The following APPL1 variants were observed in gnomAD, a reference collection of about 807,000 sequenced individuals.
APPL1 encodes adaptor protein, phosphotyrosine interacting with PH domain and leucine zipper 1.
Under a neutral mutation model 106.8 loss-of-function variants are expected in APPL1, and 42 were observed. That is an observed-to-expected ratio of 0.39 (90% confidence interval 0.31 to 0.51). The LOEUF (loss-of-function observed/expected upper bound fraction) is 0.51. APPL1 is among the 20% of genes least tolerant of loss of function. The pLI is 0.75. For missense variants in APPL1, 769 were observed against 858.2 expected, an observed-to-expected ratio of 0.90 and a Z score of 1.30; for synonymous variants, 263 against 281.8, an observed-to-expected ratio of 0.93 and a Z score of 0.67.
chr3:57,227,914 G>T lies in APPL1; in HGVS notation c.31G>T (p.Glu11Ter). 6.8e-7 allele frequency: 1 copy of T among 1,469,720 alleles called. No homozygotes were observed. The highest frequency in any genetic ancestry group is 9.0e-7 in the Non-Finnish European group (1 of 1,107,414). The allele number at this position is 1,469,720 out of a possible 1,614,324, so 91.0% of individuals were successfully genotyped here. MPGIDKLPIE[E>*]TLEDSPQTRS... Reference sequence around the variant, plus strand: ...GGGGATCGACAAGCTGCCCATCGAGGAGACGCTGGAGGACAGCCCGCAGGT... The same window carrying T: ...GGGGATCGACAAGCTGCCCATCGAGTAGACGCTGGAGGACAGCCCGCAGGT... The change falls in exon 1 of 22, where the codon GAG (glutamate) becomes TAG (stop). Residue 11 changes from glutamate (E) to a stop codon, truncating the protein, a stop_gained. Coordinates refer to ENST00000288266, the MANE Select transcript of APPL1 (RefSeq NM_012096.3). LOFTEE classifies it high-confidence loss of function.
rs1487733245 is a variant in APPL1, at chr3:57,259,010, T to G, written c.1431-18T>G. ...TGGTAACTGACCATGTGTTCATATT[T>G]TCTTCTAAACTTTTTAGGCGTACAA... On this transcript the variant is annotated intron_variant, in intron 15 of 21. Transcript: ENST00000288266. 6.2e-7 allele frequency: 1 copy of G among 1,604,922 alleles called. No individual in the cohort carries two copies. The highest frequency in any genetic ancestry group is 1.7e-5 in the Admixed American group (1 of 59,370).
chr3:57,234,874 C>T (rs2060708198), intron 1 of APPL1, among the ~76,000 whole-genome samples: 1 of 152,024 alleles, frequency 6.6e-6, no homozygotes, highest in Non-Finnish European at 1.5e-5. Context: ...CCAGGATGGT[C>T]TCAATCTCCT....
At chr3:57,235,422 T>G in intron 1 of APPL1, 144 bp from the exon 2 acceptor site, 1 of 469,996 alleles carries the variant, frequency 2.1e-6, no homozygotes, top group Non-Finnish European at 3.8e-6. Context: ...TTCTTAACAT[T>G]ACTATCAAAA....
At chr3:57,260,538 A>G in intron 18 of APPL1, 90 bp from the exon 19 acceptor site, 2 of 1,205,674 alleles carry the variant, frequency 1.7e-6, no homozygotes, top group South Asian at 4.1e-5. Context: ...AAATATTTAT[A>G]TTTTTAGAAC....
At chr3:57,266,174 T>C (rs777665422) in intron 19 of APPL1, among the ~76,000 whole-genome samples, 34 of 152,218 alleles carry the variant, frequency 2.2e-4, no homozygotes, top group Non-Finnish European at 3.8e-4. Context: ...GATATGTCTT[T>C]GTCTGGTTTT....
intron 21 of APPL1, chr3:57,269,160 T>C: frequency 6.2e-6 from 1 of 161,364 alleles, no homozygotes; most frequent in South Asian, 1.9e-4. Context: ...GACACCTGAT[T>C]TAGCAAAGAT....
chr3:57,246,209 A>G lies in APPL1; in HGVS notation c.608A>G (p.Tyr203Cys), dbSNP rs771643634. Residue 203 changes from tyrosine to cysteine, a missense_variant, in exon 8 of 22, where the codon TAC (tyrosine) becomes TGC (cysteine). Transcript: ENST00000288266. ...GCATTGTTAGAACCTCTACTTGGGTACATGCAAGCTCAGGTAAATACTGTA... is the reference window on the plus strand; with the variant it reads ...GCATTGTTAGAACCTCTACTTGGGTGCATGCAAGCTCAGGTAAATACTGTA... ...KIALLEPLLG[Y>C]MQAQISFFKM... The G allele has an allele frequency of 6.2e-7, 1 of 1,601,008 alleles. No homozygotes were observed.
Position 57,228,024 on chromosome 3 carries a change from G to C in APPL1, c.54+87G>C. 3 of 1,194,162 alleles carry C rather than the reference G, an allele frequency of 2.5e-6. No homozygotes were observed. The South Asian group carries it at 6.6e-5, about 26-fold the overall frequency. The allele number at this position is 1,194,162 out of a possible 1,614,324, so 74.0% of individuals were successfully genotyped here. A position where few individuals can be genotyped will look rare whatever the true frequency, so the allele number is the denominator to read the frequency against. On this transcript the variant is annotated intron_variant, in intron 1 of 21. Transcript: ENST00000288266. This position sits in a 1 kb window ranked among gnomAD's most constrained non-coding sequence, Gnocchi z 4.6. ...GCCTCCGCGGCTCCCGCAGGTGCCCGCCCCGGCCCAGGTGGGGGCCGCCGC... is the reference window on the plus strand; with the variant it reads ...GCCTCCGCGGCTCCCGCAGGTGCCCCCCCCGGCCCAGGTGGGGGCCGCCGC...
rs1240517093 is a variant in APPL1 at position 57,260,122 on chromosome 3, T to C, written c.1664T>C (p.Ile555Thr). Residue 555 changes from isoleucine (I) to threonine (T), a missense_variant, in exon 18 of 22, where the codon ATT (isoleucine) becomes ACT (threonine). Coordinates refer to ENST00000288266, the MANE Select transcript of APPL1 (RefSeq NM_012096.3). ...TTTTTAAATTATTATTTTAGGTTAATTGATCCACAGACACAAGTTACAAGG... is the reference window on the plus strand; with the variant it reads ...TTTTTAAATTATTATTTTAGGTTAACTGATCCACAGACACAAGTTACAAGG... ...LLVTCDCLKL[I>T]DPQTQVTRLT... is the part of the protein sequence containing the mutation. 6.2e-7 allele frequency: 1 copy of C among 1,606,934 alleles called. No individual in the cohort carries two copies. Among genetic ancestry groups the C allele is most frequent in the Non-Finnish European group, 8.5e-7 (1 of 1,178,612 alleles).
At chr3:57,257,086 A>T (rs764250673) in intron 14 of APPL1, 35 bp downstream of exon 14, 2 of 1,598,650 alleles carry the variant, frequency 1.3e-6, no homozygotes, top group South Asian at 1.1e-5. Context: ...AAAGAAGGAG[A>T]TGGGCTATTT....
intron 7 of APPL1, 66 bp from the exon 8 acceptor site, chr3:57,246,010 A>T (rs2060771657): frequency 1.7e-6 from 2 of 1,210,992 alleles, no homozygotes; most frequent in African/African-American, 1.6e-5. Context: ...CCTACTGAAG[A>T]TAATACAAAA....
At chr3:57,260,465 C>A in intron 18 of APPL1, 163 bp from the exon 19 acceptor site, 1 of 636,048 alleles carries the variant, frequency 1.6e-6, no homozygotes, top group Non-Finnish European at 2.4e-6. Flanking sequence ...TAATTCAAAC[C>A]AAATATGACA....
At chr3:57,238,139 T>C in intron 4 of APPL1, 23 bp downstream of exon 4, 1 of 1,566,234 alleles carries the variant, frequency 6.4e-7, no homozygotes, top group Non-Finnish European at 8.7e-7. Context: ...TTTATTTTGC[T>C]TGATTAAATG....
In APPL1 at chr3:57,270,596, TTA is replaced by T. The variant is rs1219701650; in HGVS notation, c.*911_*912del. ...CATTTCAAAAGAAGTTCTATAACAA[TTA>T]TGTTTCATGCTTAAAGTAAAAATTC... is the stretch of plus-strand genomic sequence containing the variant. On this transcript the variant is annotated 3_prime_UTR_variant, in exon 22 of 22. Coordinates refer to ENST00000288266, the MANE Select transcript of APPL1 (RefSeq NM_012096.3). 3.9e-5 allele frequency: 6 copies of T among 152,678 alleles called. No individual in the cohort carries two copies. The highest frequency in any genetic ancestry group is 2.6e-4 in the Admixed American group (4 of 15,288). The allele number at this position is 152,678 out of a possible 1,614,324, so 9.5% of individuals were successfully genotyped here. A position where few individuals can be genotyped will look rare whatever the true frequency, so the allele number is the denominator to read the frequency against.
At chr3:57,251,084 G>A in intron 11 of APPL1, among the ~76,000 whole-genome samples, 1 of 150,568 alleles carries the variant, frequency 6.6e-6, no homozygotes, top group Non-Finnish European at 1.5e-5. Context: ...TGGGATTACA[G>A]GCGTGAGCCA....
intron 19 of APPL1, among the ~76,000 whole-genome samples, chr3:57,261,109 C>A (rs1406242442): frequency 1.3e-5 from 2 of 152,136 alleles, no homozygotes; most frequent in African/African-American, 4.8e-5. Flanking sequence ...CTCCCCCTTT[C>A]CTCATCACTC....
chr3:57,260,847 A>G, intron 19 of APPL1, 73 bp downstream of exon 19: 1 of 1,323,776 alleles, frequency 7.6e-7, no homozygotes, highest in Non-Finnish European at 1.0e-6. Flanking sequence ...AATAATAATT[A>G]AATTCTTACA....
chr3:57,250,804 C>CTT (rs71088045), intron 11 of APPL1, among the ~76,000 whole-genome samples: 1,555 of 110,204 alleles, frequency 0.014, 52 homozygotes, highest in Middle Eastern at 0.02. Context: ...AACTTTCTTT[C>CTT]TTTTTTTTTT....
chr3:57,269,735 T>C lies in APPL1; in HGVS notation c.*48T>C. The stretch of plus-strand genomic sequence containing the variant: ...CCCCCTTGGAATTTGACAGTTTCTA[T>C]GGTGAAATGGCAGAAGGTAACAACT... On this transcript the variant is annotated 3_prime_UTR_variant, in exon 22 of 22. Coordinates refer to ENST00000288266, the MANE Select transcript of APPL1 (RefSeq NM_012096.3). 10 of 1,588,598 alleles carry C rather than the reference T, an allele frequency of 6.3e-6. No individual in the cohort carries two copies. The highest frequency in any genetic ancestry group is 7.8e-6 in the Non-Finnish European group (9 of 1,159,308).
Sources: allele counts gnomAD v4.1 joint callset (sites outside exome capture counted in the v4.1 genomes callset), GRCh38; gene constraint gnomAD v4.1.1; non-coding constraint Gnocchi (gnomAD v3.1); transcripts MANE v1.5; gene names NCBI Gene and HGNC (gene_info 2026-07-23, HGNC 2026-07-21).